The following RBM33 variants were observed in gnomAD, a reference collection of about 807,000 sequenced individuals.
RBM33 encodes RNA-binding protein 33.
Under a neutral mutation model 132.6 loss-of-function variants are expected in RBM33, and 28 were observed. The ratio of observed to expected loss-of-function variants is 0.21; its 90% CI spans 0.16 to 0.29. The LOEUF (loss-of-function observed/expected upper bound fraction) is 0.29. Ranked by LOEUF, RBM33 falls within the 10% of genes least tolerant of loss-of-function variation. The pLI is 1.00. For missense variants in RBM33, 1,291 were observed against 1,518.5 expected (o/e 0.85, Z 2.49); for synonymous variants, 634 against 593.0 (o/e 1.07, Z -1.01).
At position 155,779,943 on chromosome 7, in the gene RBM33, T is replaced by TATATAGA. The variant is rs1427427389; in HGVS notation, c.*4904_*4910dup. 5 of 152,232 alleles carry TATATAGA rather than the reference T, an allele frequency of 3.3e-5. No individual in the cohort carries two copies. Among genetic ancestry groups the TATATAGA allele is most frequent in the Non-Finnish European group, 7.3e-5 (5 of 68,048 alleles). 9.4% of individuals were successfully genotyped at this position (152,232 alleles called of 1,614,324 possible). A position where few individuals can be genotyped will look rare whatever the true frequency, so the allele number is the denominator to read the frequency against. ...GTTTTATTTTACTGATTTTAAAAGGTATATAGAAAAATGTAGGCCTTTAAA... is the reference window on the plus strand; with the variant it reads ...GTTTTATTTTACTGATTTTAAAAGGTATATAGAATATAGAAAAATGTAGGCCTTTAAA... On this transcript the variant is annotated 3_prime_UTR_variant, in exon 18 of 18. Coordinates refer to ENST00000401878, the MANE Select transcript of RBM33 (RefSeq NM_053043.3).
chr7:155,702,433 A>T (rs1799992776), intron 6 of RBM33, among the ~76,000 whole-genome samples: 1 of 152,136 alleles, frequency 6.6e-6, no homozygotes, highest in Admixed American at 6.5e-5. Context: ...TCAAGTTATG[A>T]TATGAAGTTG....
rs374960317 is a variant in RBM33 at position 155,678,692 on chromosome 7, A to G, written c.248+8A>G. ...AGATGAAGAAAATTTCAGGTACTCAATATTACCTCATTATAAATGTTCTTT... is the reference window on the plus strand; with the variant it reads ...AGATGAAGAAAATTTCAGGTACTCAGTATTACCTCATTATAAATGTTCTTT... On this transcript the variant is annotated splice_region_variant and intron_variant, in intron 4 of 17. Coordinates refer to ENST00000401878, the MANE Select transcript of RBM33 (RefSeq NM_053043.3). 2.7e-5 allele frequency: 36 copies of G among 1,348,530 alleles called. No homozygotes were observed. Among genetic ancestry groups the G allele is most frequent in the East Asian group, 4.8e-5 (2 of 41,618 alleles). The allele number at this position is 1,348,530 out of a possible 1,614,324, so 83.5% of individuals were successfully genotyped here.
At position 155,680,803 on chromosome 7, in the gene RBM33, G is replaced by A. The variant is rs1234872971; in HGVS notation, c.462G>A (p.Glu154=). The change falls in exon 5 of 18, where the codon GAG becomes GAA. Residue 154 remains glutamate (E), a synonymous_variant. Coordinates refer to ENST00000401878, the MANE Select transcript of RBM33 (RefSeq NM_053043.3). ...GACAGTATGAAGGCCACGAAGCTGA[G>A]TTGACAGAAGACCAAATAGAATATG... ...EEGQYEGHEA[E]LTEDQIEYVE... 2 of 1,613,892 alleles carry A rather than the reference G, an allele frequency of 1.2e-6. No individual in the cohort carries two copies. Among genetic ancestry groups the A allele is most frequent in the Admixed American group, 3.3e-5 (2 of 60,010 alleles).
chr7:155,711,921 A>G (rs1800315035), intron 8 of RBM33, among the ~76,000 whole-genome samples: 1 of 152,266 alleles, frequency 6.6e-6, no homozygotes, highest in Non-Finnish European at 1.5e-5. Context: ...CTCTGCGGCA[A>G]AATAGTTTTC....
Position 155,709,323 on chromosome 7 carries a change from T to G in RBM33, c.949-1880T>G, listed in dbSNP as rs557113076. Reference sequence around the variant, plus strand: ...TGGCATCCCCTTAAATACTTCCTGGTTTTTGGTATTGAGCATTGAAAATCT... The same window carrying G: ...TGGCATCCCCTTAAATACTTCCTGGGTTTTGGTATTGAGCATTGAAAATCT... On this transcript the variant is annotated intron_variant, in intron 7 of 17. Transcript: ENST00000401878. Among the ~76,000 whole-genome samples the G allele has an allele frequency of 1.5e-3, 235 of 152,264 alleles. 1 individual carries two copies. The highest frequency in any genetic ancestry group is 2.7e-3 in the Non-Finnish European group (185 of 68,020).
chr7:155,696,384 A>C (rs990555558), intron 5 of RBM33, among the ~76,000 whole-genome samples: 3 of 152,208 alleles, frequency 2.0e-5, no homozygotes, highest in Non-Finnish European at 4.4e-5. Context: ...CAGTTTTAAA[A>C]TTCTTCCTTT....
intron 14 of RBM33, among the ~76,000 whole-genome samples, chr7:155,755,642 TTTGC>T (rs1375017257): frequency 6.6e-6 from 1 of 152,200 alleles, no homozygotes; most frequent in East Asian, 1.9e-4. Context: ...GGTTAATCAA[TTTGC>T]TTGCTAGTGA....
chr7:155,744,984 A>G lies in RBM33; in HGVS notation c.2361A>G (p.Thr787=). ...ETEFPDEDEE[T]RLYRLKIEEQ... ...AGTTTCCTGATGAAGATGAGGAAAC[A>G]AGGTTATATCGCTTAAAGATAGAAG... The change falls in exon 14 of 18, where the codon ACA becomes ACG. Residue 787 remains threonine, a synonymous_variant. Transcript: ENST00000401878. The G allele has an allele frequency of 6.4e-7, 1 of 1,574,500 alleles. No individual in the cohort carries two copies. Among genetic ancestry groups the G allele is most frequent in the South Asian group, 1.2e-5 (1 of 84,910 alleles).
At chr7:155,680,494 A>G in intron 4 of RBM33, 96 bp from the exon 5 acceptor site, 1 of 887,216 alleles carries the variant, frequency 1.1e-6, no homozygotes, top group Middle Eastern at 2.5e-4. Context: ...TTTATCAGTC[A>G]TGGTTTAAAT....
chr7:155,741,821 TACA>T lies in RBM33; in HGVS notation c.2055_2057del (p.Thr686del), dbSNP rs1371225924. 1 of 1,605,860 alleles carries T rather than the reference TACA, an allele frequency of 6.2e-7. No individual in the cohort carries two copies. The highest frequency in any genetic ancestry group is 8.5e-7 in the Non-Finnish European group (1 of 1,173,420). On this transcript the variant is annotated inframe_deletion, in exon 13 of 18. Coordinates refer to ENST00000401878, the MANE Select transcript of RBM33 (RefSeq NM_053043.3). ...AATCTCTTTCTTTTTGTGAAAAGAA[TACA>T]ACTTCTCAGAATGTAAGCAAGCGGC...
chr7:155,669,785 A>G (rs541740597), intron 2 of RBM33, among the ~76,000 whole-genome samples: 6 of 152,316 alleles, frequency 3.9e-5, no homozygotes, highest in African/African-American at 1.4e-4. Context: ...CCTAGGGCCC[A>G]GTGAAGGCTG....
At position 155,738,418 on chromosome 7, in the gene RBM33, G is replaced by GT; in HGVS notation, c.1737+16dup. 1 of 1,595,588 alleles carries GT rather than the reference G, an allele frequency of 6.3e-7. No individual in the cohort carries two copies. The highest frequency in any genetic ancestry group is 1.1e-5 in the South Asian group (1 of 89,804). On this transcript the variant is annotated intron_variant, in intron 11 of 17. Transcript: ENST00000401878. ...CCAACCTGCAGGTAATGCATCCTGAGTGAACCTCCAGGGAAAAAATGTGTA... is the reference window on the plus strand; with the variant it reads ...CCAACCTGCAGGTAATGCATCCTGAGTTGAACCTCCAGGGAAAAAATGTGTA...
In RBM33 at chr7:155,775,731, A is replaced by T. The variant is rs1288728199; in HGVS notation, c.*690A>T. 5.1e-5 allele frequency: 8 copies of T among 156,744 alleles called. No individual in the cohort carries two copies. The highest frequency in any genetic ancestry group is 1.7e-4 in the African/African-American group (7 of 41,474). The allele number at this position is 156,744 out of a possible 1,614,324, so 9.7% of individuals were successfully genotyped here. A position where few individuals can be genotyped will look rare whatever the true frequency, so the allele number is the denominator to read the frequency against. On this transcript the variant is annotated 3_prime_UTR_variant, in exon 18 of 18. Transcript: ENST00000401878. ...TTTAACACACTTCCCAGATAAGGCAATGTGCTGGACAGGCACACGGCATGG... is the reference window on the plus strand; with the variant it reads ...TTTAACACACTTCCCAGATAAGGCATTGTGCTGGACAGGCACACGGCATGG...
intron 14 of RBM33, among the ~76,000 whole-genome samples, chr7:155,751,376 A>G (rs1421020385): frequency 6.6e-6 from 1 of 152,212 alleles, no homozygotes; most frequent in African/African-American, 2.4e-5. Flanking sequence ...TACATTATCA[A>G]AAATAAAAAT....
chr7:155,770,425 C>A (rs1563184690), intron 16 of RBM33, among the ~76,000 whole-genome samples: 1 of 152,212 alleles, frequency 6.6e-6, no homozygotes, highest in Non-Finnish European at 1.5e-5. Context: ...TTAGCAGGCT[C>A]ACTGAGGCTC....
chr7:155,764,733 G>A (rs1802156125), intron 15 of RBM33, among the ~76,000 whole-genome samples: 1 of 152,264 alleles, frequency 6.6e-6, no homozygotes, highest in East Asian at 1.9e-4. Context: ...GTTGGGTGGA[G>A]CTATGCAGAG....
intron 5 of RBM33, among the ~76,000 whole-genome samples, chr7:155,695,453 G>A (rs997592473): frequency 1.3e-5 from 2 of 151,736 alleles, no homozygotes; most frequent in Non-Finnish European, 3.0e-5. Flanking sequence ...TTTGTGGCTT[G>A]TGTTTTCATT....
At chr7:155,751,359 A>G (rs980255911) in intron 14 of RBM33, among the ~76,000 whole-genome samples, 6 of 152,218 alleles carry the variant, frequency 3.9e-5, no homozygotes, top group Admixed American at 1.3e-4. Context: ...TTACAAAACC[A>G]TATTTGTACA....
At chr7:155,752,333 A>T (rs1801710611) in intron 14 of RBM33, among the ~76,000 whole-genome samples, 2 of 152,218 alleles carry the variant, frequency 1.3e-5, no homozygotes, top group African/African-American at 4.8e-5. Flanking sequence ...GTTGCAAAGA[A>T]AGGAAAATGG....
Sources: gnomAD v4.1 joint callset for allele counts (sites outside exome capture counted in the v4.1 genomes callset) on GRCh38, gnomAD v4.1.1 for gene constraint, MANE v1.5 for transcripts, NCBI Gene and HGNC (gene_info 2026-07-23, HGNC 2026-07-21) for gene names.